The following NIPAL2 variants were observed in gnomAD, a reference collection of about 807,000 sequenced individuals.
NIPAL2 encodes the protein NIPA-like protein 2.
A neutral mutation model predicts 48.9 loss-of-function variants in NIPAL2; 43 were observed. That is an observed-to-expected ratio of 0.88 (90% CI 0.69 to 1.13). The LOEUF is 1.13. Among genes scored for constraint, NIPAL2 ranks in the 50% most tolerant of loss-of-function variants. The pLI is 0.00. For missense variants in NIPAL2, 446 were observed against 461.4 expected, an observed-to-expected ratio of 0.97 and a Z score of 0.31; for synonymous variants, 167 against 174.6, an observed-to-expected ratio of 0.96 and a Z score of 0.34.
intron 2 of NIPAL2, 130 bp from the exon 3 acceptor site, chr8:98,252,764 C>T (rs936299857): frequency 1.8e-5 from 14 of 771,402 alleles, no homozygotes; most frequent in Admixed American, 1.1e-4. Flanking sequence ...TTTTTAAGAA[C>T]GAATACATTT....
At chr8:98,209,441 T>A (rs1586311752) in intron 6 of NIPAL2, among the ~76,000 whole-genome samples, 2 of 41,340 alleles carry the variant, frequency 4.8e-5, no homozygotes, top group South Asian at 2.3e-3. Context: ...ATACCCTGTC[T>A]CTCCAAAAAA....
chr8:98,218,675 T>C (rs973562616), intron 5 of NIPAL2, among the ~76,000 whole-genome samples: 1 of 152,166 alleles, frequency 6.6e-6, no homozygotes. Context: ...TACAAGTTCA[T>C]ATCCTGAAGA....
At chr8:98,209,428 G>A (rs971783626) in intron 6 of NIPAL2, among the ~76,000 whole-genome samples, 2 of 122,146 alleles carry the variant, frequency 1.6e-5, no homozygotes, top group Non-Finnish European at 3.2e-5. Flanking sequence ...GGGCAGCATG[G>A]GGATACCCTG....
chr8:98,278,726 C>T (rs1815626487), intron 1 of NIPAL2, among the ~76,000 whole-genome samples: 1 of 152,168 alleles, frequency 6.6e-6, no homozygotes, highest in South Asian at 2.1e-4. Context: ...AGACCTGGCA[C>T]AGAGACATTG....
At chr8:98,222,447 T>C in intron 5 of NIPAL2, 32 bp downstream of exon 5, 3 of 1,609,074 alleles carry the variant, frequency 1.9e-6, no homozygotes, top group South Asian at 1.1e-5. Flanking sequence ...ATAATATAGC[T>C]TCGGGGATAG....
chr8:98,254,118 A>G, intron 1 of NIPAL2, 31 bp from the exon 2 acceptor site: 1 of 1,547,974 alleles, frequency 6.5e-7, no homozygotes, highest in Non-Finnish European at 8.9e-7. Context: ...CTTAAATAAT[A>G]CTTGTAAGAT....
intron 4 of NIPAL2, among the ~76,000 whole-genome samples, chr8:98,224,598 A>G (rs1374489219): frequency 1.3e-5 from 2 of 151,964 alleles, no homozygotes; most frequent in Non-Finnish European, 2.9e-5. Flanking sequence ...TGTCCCTATC[A>G]ATGTATATCT....
At chr8:98,235,835 G>C (rs1389938770) in intron 4 of NIPAL2, among the ~76,000 whole-genome samples, 1 of 151,256 alleles carries the variant, frequency 6.6e-6, no homozygotes, top group Non-Finnish European at 1.5e-5. Flanking sequence ...TTATAATTCA[G>C]TGCATTATAA....
At position 98,192,745 on chromosome 8, in the gene NIPAL2, C is replaced by G. The variant is rs960328338; in HGVS notation, c.*233G>C. ...TAAGGTGTAGCTGGCTAGATAATCA[C>G]TAGGGAGAGGTCCAGGGTGTGGGGA... On this transcript the variant is annotated 3_prime_UTR_variant, in exon 11 of 11. Coordinates refer to ENST00000430223, the MANE Select transcript of NIPAL2 (RefSeq NM_001321635.2). 1 of 533,714 alleles carries G rather than the reference C, an allele frequency of 1.9e-6. No individual in the cohort carries two copies. Among genetic ancestry groups the G allele is most frequent in the Non-Finnish European group, 3.3e-6 (1 of 298,836 alleles). The allele number at this position is 533,714 out of a possible 1,614,324, so 33.1% of individuals were successfully genotyped here.
chr8:98,286,812 CAAAA>C (rs1182876107), intron 1 of NIPAL2, among the ~76,000 whole-genome samples: 3 of 57,890 alleles, frequency 5.2e-5, no homozygotes, highest in African/African-American at 1.3e-4. Context: ...GAGACTCTGT[CAAAA>C]AAAAAAAAAA....
Position 98,280,930 on chromosome 8 carries a change from C to T in NIPAL2, c.135+13073G>A, listed in dbSNP as rs374937682. The stretch of plus-strand genomic sequence containing the variant: ...CCAAGCTAAAAAATTTTAAATACAC[C>T]CTCCTTTGCAGGCTCAGTGAAATTA... On this transcript the variant is annotated intron_variant, in intron 1 of 10. Coordinates refer to ENST00000430223, the MANE Select transcript of NIPAL2 (RefSeq NM_001321635.2). 9.5e-4 allele frequency among the ~76,000 whole-genome samples: 144 copies of T among 150,916 alleles called. 1 individual carries two copies. The South Asian group carries it at 0.029, about 31-fold the overall frequency.
At chr8:98,234,583 G>A (rs546761022) in intron 4 of NIPAL2, among the ~76,000 whole-genome samples, 5 of 151,890 alleles carry the variant, frequency 3.3e-5, no homozygotes, top group East Asian at 1.9e-4. Context: ...GTCTCACTCC[G>A]GTTGCCCAGG....
At chr8:98,208,740 C>T (rs1417098426) in intron 6 of NIPAL2, among the ~76,000 whole-genome samples, 1 of 152,190 alleles carries the variant, frequency 6.6e-6, no homozygotes, top group Non-Finnish European at 1.5e-5. Context: ...TGAGCCATCA[C>T]ACCAGGCCTG....
chr8:98,276,775 C>CT (rs1815494852), intron 1 of NIPAL2, among the ~76,000 whole-genome samples: 1 of 145,760 alleles, frequency 6.9e-6, no homozygotes, highest in African/African-American at 2.5e-5. Context: ...TTTTTCTTTT[C>CT]TTTTTTCTTT....
chr8:98,264,888 A>G (rs1814609201), intron 1 of NIPAL2, among the ~76,000 whole-genome samples: 1 of 151,914 alleles, frequency 6.6e-6, no homozygotes, highest in South Asian at 2.1e-4. Context: ...CTATACTACC[A>G]GGCTACAGTA....
chr8:98,259,237 C>T lies in NIPAL2; in HGVS notation c.136-5150G>A, dbSNP rs942306336. Reference sequence around the variant, plus strand: ...GACTACAGGCGCGCGCCACCATGCCCGGCTAATTTTTGTATTTTTAGTAGA... The same window carrying T: ...GACTACAGGCGCGCGCCACCATGCCTGGCTAATTTTTGTATTTTTAGTAGA... On this transcript the variant is annotated intron_variant, in intron 1 of 10. Transcript: ENST00000430223. Among the ~76,000 whole-genome samples the T allele has an allele frequency of 5.3e-5, 8 of 150,690 alleles. No homozygotes were observed. In the East Asian group the frequency reaches 5.9e-4, roughly 11 times the overall value.
chr8:98,218,714 C>G (rs1331882657), intron 5 of NIPAL2, among the ~76,000 whole-genome samples: 1 of 152,068 alleles, frequency 6.6e-6, no homozygotes, highest in Admixed American at 6.5e-5. Context: ...ATAAGACAGG[C>G]AGGTAAATAG....
At chr8:98,204,982 G>T in intron 7 of NIPAL2, 129 bp downstream of exon 7, 1 of 980,694 alleles carries the variant, frequency 1.0e-6, no homozygotes, top group Non-Finnish European at 1.6e-6. Context: ...CTGAGGACAA[G>T]CTACAGGCCC....
At chr8:98,282,198 A>G (rs1221276381) in intron 1 of NIPAL2, among the ~76,000 whole-genome samples, 3 of 152,182 alleles carry the variant, frequency 2.0e-5, no homozygotes, top group Admixed American at 1.3e-4. Context: ...CAGGGGCCCA[A>G]GGTGCAGCAA....
Sources: allele counts gnomAD v4.1 joint callset (sites outside exome capture counted in the v4.1 genomes callset), GRCh38; gene constraint gnomAD v4.1.1; transcripts MANE v1.5; gene names NCBI Gene and HGNC (gene_info 2026-07-23, HGNC 2026-07-21).